The following IQGAP2 variants were observed in gnomAD, a reference collection of about 807,000 sequenced individuals.
IQGAP2 encodes ras GTPase-activating-like protein IQGAP2.
A neutral mutation model predicts 201.3 loss-of-function variants in IQGAP2; 173 were observed. The observed-to-expected ratio is 0.86, with a 90% CI of 0.76 to 0.98. The LOEUF (loss-of-function observed/expected upper bound fraction) is 0.98. Among genes scored for constraint, IQGAP2 ranks in the 50% least tolerant of loss-of-function variants. The probability of loss-of-function intolerance (pLI) is 0.00; values close to 1 mark genes in which losing one functional copy is unlikely to be tolerated. For synonymous variants in IQGAP2, 675 were observed against 673.9 expected (o/e 1.00, Z -0.03); for missense variants, 1,687 against 1,864.8 (o/e 0.90, Z 1.76).
intron 28 of IQGAP2, among the ~76,000 whole-genome samples, chr5:76,682,412 G>A (rs1745383332): frequency 6.6e-6 from 1 of 151,076 alleles, no homozygotes; most frequent in African/African-American, 2.4e-5. Flanking sequence ...ATGTGTCGCT[G>A]TTCATGTGTA....
At chr5:76,599,886 A>C (rs1747310961) in intron 10 of IQGAP2, among the ~76,000 whole-genome samples, 1 of 152,194 alleles carries the variant, frequency 6.6e-6, no homozygotes, top group Non-Finnish European at 1.5e-5. Context: ...GGCCAAGATA[A>C]TATAAAATGG....
At chr5:76,619,711 G>A (rs1266992280) in intron 13 of IQGAP2, among the ~76,000 whole-genome samples, 1 of 151,852 alleles carries the variant, frequency 6.6e-6, no homozygotes, top group Non-Finnish European at 1.5e-5. Flanking sequence ...GTAGAGACAG[G>A]GTTTCACCAT....
intron 35 of IQGAP2, among the ~76,000 whole-genome samples, chr5:76,703,160 T>TG (rs113446098): frequency 0.063 from 439 of 6,994 alleles, 20 homozygotes; most frequent in Middle Eastern, 0.17. Flanking sequence ...GGGGAGGGGG[T>TG]GGGGGGGGGC....
intron 1 of IQGAP2, among the ~76,000 whole-genome samples, chr5:76,405,016 C>A (rs1256991848): frequency 6.6e-6 from 1 of 152,222 alleles, no homozygotes; most frequent in African/African-American, 2.4e-5. Flanking sequence ...TTTAATGTGA[C>A]CAGCTCTCAG....
At chr5:76,693,942 A>G (rs1362704127) in intron 31 of IQGAP2, 1 of 152,354 alleles carries the variant, frequency 6.6e-6, no homozygotes, top group East Asian at 1.9e-4. Flanking sequence ...TTAGCTTTTT[A>G]TTAACATCTT....
chr5:76,538,645 G>A (rs1028410188), intron 2 of IQGAP2, among the ~76,000 whole-genome samples: 1 of 152,160 alleles, frequency 6.6e-6, no homozygotes, highest in Non-Finnish European at 1.5e-5. Context: ...ACATGAAATG[G>A]GTTTAACTTT....
intron 21 of IQGAP2, among the ~76,000 whole-genome samples, chr5:76,663,198 T>C (rs750201432): frequency 2.0e-5 from 3 of 152,344 alleles, no homozygotes; most frequent in African/African-American, 7.2e-5. Flanking sequence ...TAGGGGCCCC[T>C]GCTGATAGCC....
chr5:76,652,660 T>C, intron 17 of IQGAP2, 90 bp from the exon 18 acceptor site: 2 of 912,328 alleles, frequency 2.2e-6, no homozygotes, highest in East Asian at 2.4e-5. Context: ...CCCAGCTCCA[T>C]GCGGCCTGAG....
intron 20 of IQGAP2, among the ~76,000 whole-genome samples, chr5:76,656,131 C>T (rs1466928961): frequency 2.0e-5 from 3 of 152,222 alleles, no homozygotes; most frequent in African/African-American, 7.2e-5. Context: ...AATAATGTCT[C>T]ATTCCACTAG....
chr5:76,483,136 T>C (rs1168329710), intron 2 of IQGAP2, among the ~76,000 whole-genome samples: 14 of 152,246 alleles, frequency 9.2e-5, no homozygotes, highest in Non-Finnish European at 1.5e-5. Context: ...AGTCAAAGAA[T>C]GTGCGCCTTC....
chr5:76,614,460 T>C (rs1383996262), intron 13 of IQGAP2, among the ~76,000 whole-genome samples: 1 of 152,174 alleles, frequency 6.6e-6, no homozygotes. Context: ...ATGAATCATA[T>C]TTGGTTAAAT....
At chr5:76,653,883 C>T (rs987534370) in intron 18 of IQGAP2, among the ~76,000 whole-genome samples, 80 of 152,286 alleles carry the variant, frequency 5.3e-4, no homozygotes, top group African/African-American at 1.9e-3. Context: ...CTCAGCAAAA[C>T]GCTTCACCCT....
intron 2 of IQGAP2, among the ~76,000 whole-genome samples, chr5:76,468,183 G>A (rs1484367937): frequency 6.6e-6 from 1 of 152,142 alleles, no homozygotes; most frequent in African/African-American, 2.4e-5. Flanking sequence ...TTAGGAAGCT[G>A]TTAAATAAGA....
chr5:76,462,694 G>T (rs959271703), intron 2 of IQGAP2, among the ~76,000 whole-genome samples: 7 of 152,122 alleles, frequency 4.6e-5, no homozygotes, highest in African/African-American at 1.4e-4. Context: ...CTGATGAATG[G>T]CTATCTACAG....
chr5:76,609,049 T>C, intron 12 of IQGAP2: 5 of 1,507,788 alleles, frequency 3.3e-6, no homozygotes, highest in Non-Finnish European at 4.5e-6. Flanking sequence ...CCCAGAGGGC[T>C]TCTGGGTAAT....
intron 9 of IQGAP2, among the ~76,000 whole-genome samples, chr5:76,594,188 C>T (rs1580545712): frequency 6.6e-6 from 1 of 152,138 alleles, no homozygotes; most frequent in South Asian, 2.1e-4. Flanking sequence ...TATGCGAAAG[C>T]TGAGAACTTC....
chr5:76,403,518 C>T lies in IQGAP2; in HGVS notation c.-28C>T. The T allele has an allele frequency of 2.7e-6, 4 of 1,465,964 alleles. No homozygotes were observed. The highest frequency in any genetic ancestry group is 3.6e-6 in the Non-Finnish European group (4 of 1,115,262). The allele number at this position is 1,465,964 out of a possible 1,614,324, so 90.8% of individuals were successfully genotyped here. A position where few individuals can be genotyped will look rare whatever the true frequency, so the allele number is the denominator to read the frequency against. On this transcript the variant is annotated 5_prime_UTR_variant, in exon 1 of 36. Coordinates refer to ENST00000274364, the MANE Select transcript of IQGAP2 (RefSeq NM_006633.5). The surrounding 1 kb of genome is among the most constrained non-coding windows in gnomAD (Gnocchi z 4.8). The stretch of plus-strand genomic sequence containing the variant: ...GCGAGGGTAGCCGCGGGGGGCGCGC[C>T]CCGGGCGGGCCCCCGGAGACGCGCA...
At chr5:76,666,803 G>C (rs956116346) in intron 22 of IQGAP2, among the ~76,000 whole-genome samples, 7 of 152,170 alleles carry the variant, frequency 4.6e-5, no homozygotes, top group African/African-American at 1.7e-4. Flanking sequence ...GAGTGCAGTG[G>C]CGCAACCACA....
intron 2 of IQGAP2, among the ~76,000 whole-genome samples, chr5:76,492,588 A>G (rs1756622440): frequency 6.6e-6 from 1 of 152,186 alleles, no homozygotes; most frequent in Admixed American, 6.5e-5. Context: ...AGTTACGGAG[A>G]GCCTTGATTG....
Sources: allele counts gnomAD v4.1 joint callset (sites outside exome capture counted in the v4.1 genomes callset), GRCh38; gene constraint gnomAD v4.1.1; non-coding constraint Gnocchi (gnomAD v3.1); transcripts MANE v1.5; gene names NCBI Gene and HGNC (gene_info 2026-07-23, HGNC 2026-07-21).